The following SSBP3 variants were observed in gnomAD, a reference collection of about 807,000 sequenced individuals.
SSBP3 encodes the protein single-stranded DNA-binding protein 3.
SSBP3 carries 5 observed loss-of-function variants against 69.6 expected under a neutral mutation model. The observed-to-expected ratio is 0.07, with a 90% confidence interval of 0.04 to 0.15. The LOEUF (loss-of-function observed/expected upper bound fraction) is 0.15. SSBP3 is among the 10% of genes least tolerant of loss of function. The pLI, the probability that SSBP3 is intolerant of heterozygous loss-of-function variation, is 1.00. For missense variants in SSBP3, 312 were observed against 534.0 expected (o/e 0.58, Z 4.10); for synonymous variants, 196 against 193.4 (o/e 1.01, Z -0.11).
At chr1:54,368,242 G>A (rs531221239) in intron 4 of SSBP3, among the ~76,000 whole-genome samples, 7 of 144,168 alleles carry the variant, frequency 4.9e-5, no homozygotes, top group African/African-American at 1.8e-4. Flanking sequence ...AGCTTGCAGT[G>A]AGCCAAGATC....
At position 54,234,960 on chromosome 1, in the gene SSBP3, C is replaced by T. The variant is rs558191724; in HGVS notation, c.927+4169G>A. Among the ~76,000 whole-genome samples the T allele has an allele frequency of 1.4e-4, 21 of 152,264 alleles. No individual in the cohort carries two copies. The South Asian group carries it at 2.7e-3, about 20-fold the overall frequency. On this transcript the variant is annotated intron_variant, in intron 14 of 17. Coordinates refer to ENST00000610401, the Ensembl canonical transcript of SSBP3. ...CTTTCTTTTAAATGCACTGGTAAAA[C>T]GGAATATAGTCAAACTTAAAATCCA...
At chr1:54,250,592 G>A (rs1043281378) in intron 9 of SSBP3, among the ~76,000 whole-genome samples, 2 of 152,140 alleles carry the variant, frequency 1.3e-5, no homozygotes, top group African/African-American at 2.4e-5. Flanking sequence ...AGTGCAGGGG[G>A]CCCAGAGCCT....
At chr1:54,359,436 G>C (rs1056983955) in intron 4 of SSBP3, among the ~76,000 whole-genome samples, 1 of 152,156 alleles carries the variant, frequency 6.6e-6, no homozygotes, top group Non-Finnish European at 1.5e-5. Context: ...CTGATAAAAT[G>C]CTAATGGGAA....
intron 4 of SSBP3, among the ~76,000 whole-genome samples, chr1:54,323,327 C>T (rs1646247586): frequency 2.0e-5 from 3 of 152,222 alleles, no homozygotes; most frequent in Non-Finnish European, 4.4e-5. Context: ...AAGTAAACTA[C>T]TCCAGGAAAC....
chr1:54,318,319 A>G (rs1281148467), intron 4 of SSBP3, among the ~76,000 whole-genome samples: 1 of 152,216 alleles, frequency 6.6e-6, no homozygotes, highest in East Asian at 1.9e-4. Context: ...AATTTTCAAT[A>G]TAGAGATACA....
At chr1:54,260,296 G>A (rs1411526600) in intron 5 of SSBP3, among the ~76,000 whole-genome samples, 1 of 152,256 alleles carries the variant, frequency 6.6e-6, no homozygotes, top group Non-Finnish European at 1.5e-5. Context: ...TTGGCAAGAA[G>A]GGAGTGCCTC....
At chr1:54,296,004 C>A (rs1645698106) in intron 4 of SSBP3, among the ~76,000 whole-genome samples, 1 of 152,178 alleles carries the variant, frequency 6.6e-6, no homozygotes, top group Admixed American at 6.5e-5. Context: ...AAAGTGGAAT[C>A]CAAATATTTG....
At chr1:54,272,313 C>T (rs989412210) in intron 5 of SSBP3, among the ~76,000 whole-genome samples, 1 of 152,010 alleles carries the variant, frequency 6.6e-6, no homozygotes, top group Admixed American at 6.5e-5. Context: ...GTGCCTGGGC[C>T]CAGAGCCCAG....
At chr1:54,296,384 G>A (rs971092010) in intron 4 of SSBP3, among the ~76,000 whole-genome samples, 3 of 152,198 alleles carry the variant, frequency 2.0e-5, no homozygotes, top group Non-Finnish European at 4.4e-5. Context: ...CTGGCCTAAG[G>A]CAGTCTGTTT....
chr1:54,389,101 C>G (rs947586352), intron 4 of SSBP3, among the ~76,000 whole-genome samples: 1 of 152,184 alleles, frequency 6.6e-6, no homozygotes, highest in Non-Finnish European at 1.5e-5. Context: ...TTTCTGTTGA[C>G]TAGAATTCTG....
chr1:54,244,529 G>A (rs180986365), intron 9 of SSBP3, among the ~76,000 whole-genome samples: 12 of 152,328 alleles, frequency 7.9e-5, no homozygotes, highest in Non-Finnish European at 1.5e-4. Context: ...TTACAGGCGT[G>A]AGCCACTGTG....
At chr1:54,407,548 CTT>C (rs1557601795), upstream of SSBP3, among the ~76,000 whole-genome samples, 1 of 152,062 alleles carries the variant, frequency 6.6e-6, no homozygotes, top group East Asian at 1.9e-4. Flanking sequence ...ATTAGGGACT[CTT>C]AAGACCAGAT....
At chr1:54,313,806 G>A (rs1437982269) in intron 4 of SSBP3, among the ~76,000 whole-genome samples, 5 of 151,166 alleles carry the variant, frequency 3.3e-5, no homozygotes, top group East Asian at 3.9e-4. Context: ...TCACTCTGTC[G>A]CCCAGGCTGG....
intron 4 of SSBP3, among the ~76,000 whole-genome samples, chr1:54,332,963 C>T (rs977077761): frequency 6.6e-6 from 1 of 152,178 alleles, no homozygotes; most frequent in Non-Finnish European, 1.5e-5. Flanking sequence ...CCTCCTCCCA[C>T]GCAGCATTGT....
intron 4 of SSBP3, among the ~76,000 whole-genome samples, chr1:54,340,674 G>A (rs559943471): frequency 1.3e-5 from 2 of 152,330 alleles, no homozygotes; most frequent in East Asian, 3.9e-4. Context: ...GGAAATGACT[G>A]ATAAGGGGAC....
chr1:54,349,621 G>T (rs1363677589), intron 4 of SSBP3, among the ~76,000 whole-genome samples: 1 of 151,946 alleles, frequency 6.6e-6, no homozygotes, highest in Non-Finnish European at 1.5e-5. Flanking sequence ...CAGGAAGCAG[G>T]TAAGGGTTTA....
At chr1:54,350,225 T>G (rs1646759322) in intron 4 of SSBP3, among the ~76,000 whole-genome samples, 1 of 152,252 alleles carries the variant, frequency 6.6e-6, no homozygotes. Flanking sequence ...TTACACTTTC[T>G]GAGCCCCAAC....
At chr1:54,375,535 A>G (rs921175004) in intron 4 of SSBP3, among the ~76,000 whole-genome samples, 1 of 151,954 alleles carries the variant, frequency 6.6e-6, no homozygotes, top group Non-Finnish European at 1.5e-5. Flanking sequence ...CCACTTTCAC[A>G]CCAGCAGCTG....
intron 2 of SSBP3, 108 bp downstream of exon 2, chr1:54,404,750 A>G: frequency 7.5e-7 from 1 of 1,339,774 alleles, no homozygotes; most frequent in South Asian, 1.2e-5. Flanking sequence ...AAAAGGTGAT[A>G]AAAATTCAAA....
Sources: allele counts gnomAD v4.1 joint callset (sites outside exome capture counted in the v4.1 genomes callset), GRCh38; gene constraint gnomAD v4.1.1; transcripts MANE v1.5; gene names NCBI Gene and HGNC (gene_info 2026-07-23, HGNC 2026-07-21).